Variants in ASPRV1 observed in about 807,000 individuals in gnomAD.
The protein encoded by ASPRV1 is retroviral-like aspartic protease 1.
In ASPRV1, 7 loss-of-function variants were observed where a neutral mutation model predicts 11.0. The ratio of observed to expected loss-of-function variants is 0.64; its 90% confidence interval spans 0.36 to 1.20. ASPRV1 has a LOEUF of 1.20. Among genes scored for constraint, ASPRV1 ranks in the 50% most tolerant of loss-of-function variants. ASPRV1 has a pLI of 0.02. For missense variants in ASPRV1, 299 were observed against 320.0 expected, an observed-to-expected ratio of 0.93 and a Z score of 0.50; for synonymous variants, 136 against 138.4, an observed-to-expected ratio of 0.98 and a Z score of 0.12.
the ASPRV1 span, among the ~76,000 whole-genome samples, chr2:69,982,886 C>T: frequency 6.6e-6 from 1 of 152,192 alleles, no homozygotes; most frequent in Non-Finnish European, 1.5e-5. Context: ...ATGGGCCCCT[C>T]CCCTCACCCT....
the ASPRV1 span, among the ~76,000 whole-genome samples, chr2:70,082,885 CCTT>C: frequency 6.6e-6 from 1 of 151,872 alleles, no homozygotes; most frequent in African/African-American, 2.4e-5. Context: ...CAGAGCAAGA[CCTT>C]CTCTCAAAAA....
chr2:69,964,430 A>G, upstream of ASPRV1: 1 of 423,228 alleles, frequency 2.4e-6, no homozygotes, highest in South Asian at 1.7e-5. Context: ...GTCTCTGGCT[A>G]GGATCAGGAA....
the ASPRV1 span, among the ~76,000 whole-genome samples, chr2:69,949,507 G>A: frequency 2.6e-5 from 4 of 152,132 alleles, no homozygotes; most frequent in African/African-American, 9.7e-5. Flanking sequence ...AAAAATCCAG[G>A]TGACTGGTTC....
chr2:70,081,558 G>T, the ASPRV1 span: 4 of 151,884 alleles, frequency 2.6e-5, no homozygotes, highest in Admixed American at 2.6e-4. Context: ...AGTAACAGGG[G>T]AAAGGCTCTC....
rs146522303 is a variant in ASPRV1, at chr2:69,961,588, G to A, written c.-152C>T. 4.4e-5 allele frequency: 71 copies of A among 1,613,038 alleles called. No individual in the cohort carries two copies. The African/African-American group carries it at 5.9e-4, about 13-fold the overall frequency. ...CTTGGGCAAGCAGGAGGGAGCAGGC[G>A]CGGTCGGCTGGCTGACTGCTGGGGC... On this transcript the variant is annotated 5_prime_UTR_variant, in exon 1 of 1. Transcript: ENST00000320256.
At chr2:69,953,068 C>G in the ASPRV1 span, among the ~76,000 whole-genome samples, 13 of 152,184 alleles carry the variant, frequency 8.5e-5, no homozygotes, top group Non-Finnish European at 1.6e-4. Context: ...TGCTTTTGCT[C>G]TTTGATTTTC....
chr2:70,052,532 G>A, the ASPRV1 span, among the ~76,000 whole-genome samples: 30 of 152,198 alleles, frequency 2.0e-4, no homozygotes, highest in East Asian at 3.9e-3. Flanking sequence ...TATAAGCAGC[G>A]TATCTGTTCA....
the ASPRV1 span, among the ~76,000 whole-genome samples, chr2:70,057,825 C>T: frequency 2.7e-5 from 4 of 150,892 alleles, no homozygotes; most frequent in South Asian, 4.2e-4. Context: ...GACAGAGTCT[C>T]GCTCTGTGGC....
chr2:69,958,549 G>T (rs1677990057), downstream of ASPRV1, among the ~76,000 whole-genome samples: 2 of 152,088 alleles, frequency 1.3e-5, no homozygotes, highest in African/African-American at 4.8e-5. Flanking sequence ...CAATTCCTTA[G>T]TCCCCTCCCC....
At chr2:70,041,705 G>C in the ASPRV1 span, among the ~76,000 whole-genome samples, 8 of 152,300 alleles carry the variant, frequency 5.3e-5, no homozygotes, top group South Asian at 1.7e-3. Flanking sequence ...GAGAAATTCT[G>C]AGAGGTCCAA....
At chr2:70,045,346 G>C in the ASPRV1 span, 1 of 152,236 alleles carries the variant, frequency 6.6e-6, no homozygotes, top group Admixed American at 6.5e-5. Context: ...CAAAAAATGG[G>C]AATACTTTAT....
At chr2:69,943,312 A>G in the ASPRV1 span, among the ~76,000 whole-genome samples, 3 of 152,258 alleles carry the variant, frequency 2.0e-5, no homozygotes, top group African/African-American at 7.2e-5. Flanking sequence ...TGGGAAAGAT[A>G]TGCACACAAT....
At chr2:69,978,628 C>G in the ASPRV1 span, among the ~76,000 whole-genome samples, 1 of 152,208 alleles carries the variant, frequency 6.6e-6, no homozygotes, top group Non-Finnish European at 1.5e-5. Flanking sequence ...CACAGCAAGG[C>G]ATGACAAGGT....
At chr2:70,080,821 T>A in the ASPRV1 span, 5 of 152,224 alleles carry the variant, frequency 3.3e-5, no homozygotes, top group African/African-American at 1.2e-4. Context: ...ACTTCTCAAT[T>A]GACTGTGCTT....
chr2:69,945,933 C>A, the ASPRV1 span, among the ~76,000 whole-genome samples: 1 of 152,138 alleles, frequency 6.6e-6, no homozygotes, highest in African/African-American at 2.4e-5. Context: ...GTCAGAAATA[C>A]GTCTGCCTTC....
chr2:69,937,442 C>T, the ASPRV1 span: 17 of 1,456,730 alleles, frequency 1.2e-5, no homozygotes, highest in Non-Finnish European at 1.3e-5. Flanking sequence ...CTCCCCAACC[C>T]CAGAGCAGGG....
chr2:70,065,076 C>A, the ASPRV1 span, among the ~76,000 whole-genome samples: 6 of 151,684 alleles, frequency 4.0e-5, no homozygotes, highest in Non-Finnish European at 8.8e-5. Flanking sequence ...GCCTGGGCAA[C>A]AGAGCCAGAC....
the ASPRV1 span, among the ~76,000 whole-genome samples, chr2:70,017,648 A>G: frequency 6.6e-6 from 1 of 152,204 alleles, no homozygotes; most frequent in South Asian, 2.1e-4. Context: ...AAGACTCACC[A>G]AAAAACTGTT....
the ASPRV1 span, among the ~76,000 whole-genome samples, chr2:69,995,068 T>C: frequency 2.0e-5 from 3 of 151,032 alleles, no homozygotes; most frequent in Non-Finnish European, 4.4e-5. Context: ...ACATCACATG[T>C]AGTCAGGGTG....
Sources: gnomAD v4.1 joint callset for allele counts (sites outside exome capture counted in the v4.1 genomes callset) on GRCh38, gnomAD v4.1.1 for gene constraint, MANE v1.5 for transcripts, NCBI Gene and HGNC (gene_info 2026-07-23, HGNC 2026-07-21) for gene names.